BCO1: variants seen among roughly 807,000 people sequenced by gnomAD.
BCO1 encodes beta,beta-carotene 15,15'-dioxygenase.
BCO1 carries 54 observed loss-of-function variants against 56.3 expected under a neutral mutation model. The ratio of observed to expected loss-of-function variants is 0.96; its 90% CI spans 0.77 to 1.20. The LOEUF is 1.20. Ranked by LOEUF, BCO1 falls within the 50% of genes most tolerant of loss-of-function variation. The pLI is 0.00. For synonymous variants in BCO1, 318 were observed against 266.1 expected, an observed-to-expected ratio of 1.20 and a Z score of -1.90; for missense variants, 801 against 690.9, an observed-to-expected ratio of 1.16 and a Z score of -1.79.
At chr16:81,240,074 A>C (rs982356231) in intron 1 of BCO1, among the ~76,000 whole-genome samples, 2 of 152,160 alleles carry the variant, frequency 1.3e-5, no homozygotes, top group Non-Finnish European at 2.9e-5. Context: ...ACAAAAAAAA[A>C]ATAGCTTTTA....
At chr16:81,260,959 G>A (rs1262381169) in intron 3 of BCO1, among the ~76,000 whole-genome samples, 6 of 152,186 alleles carry the variant, frequency 3.9e-5, no homozygotes, top group African/African-American at 1.2e-4. Flanking sequence ...GAGTTGAAGG[G>A]TGGACTGGCC....
At chr16:81,248,234 T>G (rs1252136294) in intron 2 of BCO1, among the ~76,000 whole-genome samples, 3 of 151,654 alleles carry the variant, frequency 2.0e-5, no homozygotes, top group Admixed American at 1.3e-4. Flanking sequence ...AAACCCCGTC[T>G]CTACTAAAAA....
At chr16:81,269,263 C>T (rs927569911) in intron 6 of BCO1, among the ~76,000 whole-genome samples, 5 of 150,954 alleles carry the variant, frequency 3.3e-5, no homozygotes, top group Non-Finnish European at 7.4e-5. Context: ...CACTGTGTTA[C>T]TCCACCATCT....
At chr16:81,261,517 A>G (rs1312337107) in intron 3 of BCO1, among the ~76,000 whole-genome samples, 1 of 152,196 alleles carries the variant, frequency 6.6e-6, no homozygotes, top group African/African-American at 2.4e-5. Flanking sequence ...CGATTTCCGT[A>G]GAGCTTCTTG....
chr16:81,290,291 A>G (rs1908389426), intron 10 of BCO1, 57 bp from the exon 11 acceptor site: 2 of 1,396,828 alleles, frequency 1.4e-6, no homozygotes, highest in South Asian at 2.3e-5. Flanking sequence ...TGAGAAATTC[A>G]TCCCTCCGAC....
intron 6 of BCO1, among the ~76,000 whole-genome samples, chr16:81,269,165 G>A (rs1597364943): frequency 7.3e-6 from 1 of 137,688 alleles, no homozygotes; most frequent in Non-Finnish European, 1.5e-5. Flanking sequence ...AGTATAGAAA[G>A]CCATGTATAA....
intron 5 of BCO1, 103 bp downstream of exon 5, chr16:81,264,890 T>C: frequency 7.5e-7 from 1 of 1,331,250 alleles, no homozygotes; most frequent in South Asian, 1.2e-5. Flanking sequence ...TGTGGTACTT[T>C]CTCCCGTAGA....
intron 2 of BCO1, among the ~76,000 whole-genome samples, chr16:81,253,436 G>T (rs1024635503): frequency 3.3e-5 from 5 of 152,232 alleles, no homozygotes; most frequent in Non-Finnish European, 5.9e-5. Context: ...TCAAGTGCAT[G>T]GTTGGTACAT....
intron 5 of BCO1, among the ~76,000 whole-genome samples, chr16:81,267,633 G>C (rs550826483): frequency 6.6e-6 from 1 of 152,194 alleles, no homozygotes; most frequent in South Asian, 2.1e-4. Flanking sequence ...GTGGAGGCAG[G>C]ATTTAGCCCC....
chr16:81,243,084 T>C (rs1427976067), intron 1 of BCO1, among the ~76,000 whole-genome samples: 1 of 151,776 alleles, frequency 6.6e-6, no homozygotes, highest in Non-Finnish European at 1.5e-5. Context: ...GGGGCTGGGG[T>C]AAGGGGAGAA....
At position 81,280,318 on chromosome 16, in the gene BCO1, CACACAG is replaced by C. The variant is rs914526555; in HGVS notation, c.1102-533_1102-528del. Among the ~76,000 whole-genome samples the C allele has an allele frequency of 2.9e-4, 10 of 34,858 alleles. 1 individual carries two copies. Among genetic ancestry groups the C allele is most frequent in the East Asian group, 1.7e-3 (2 of 1,212 alleles). 22.9% of individuals were successfully genotyped at this position (34,858 alleles called of 152,430 possible). A position where few individuals can be genotyped will look rare whatever the true frequency, so the allele number is the denominator to read the frequency against. ...AAAAAAAAAAAAAAAATTACACACA[CACACAG>C]ACACACACACACACACACACACACA... On this transcript the variant is annotated intron_variant, in intron 7 of 10. Coordinates refer to ENST00000258168, the MANE Select transcript of BCO1 (RefSeq NM_017429.3).
chr16:81,269,388 A>G (rs576397571), intron 6 of BCO1, among the ~76,000 whole-genome samples: 2 of 151,444 alleles, frequency 1.3e-5, no homozygotes, highest in South Asian at 2.1e-4. Flanking sequence ...ACCTCCGCCT[A>G]CGTATCAAGC....
At chr16:81,278,025 T>G (rs1907657799) in intron 7 of BCO1, among the ~76,000 whole-genome samples, 1 of 152,058 alleles carries the variant, frequency 6.6e-6, no homozygotes, top group Non-Finnish European at 1.5e-5. Flanking sequence ...GTGGAGGCAT[T>G]GAAAGTTTCT....
At chr16:81,267,380 A>C (rs1597363044) in intron 5 of BCO1, among the ~76,000 whole-genome samples, 1 of 152,182 alleles carries the variant, frequency 6.6e-6, no homozygotes, top group Non-Finnish European at 1.5e-5. Context: ...TGGGAGGCCG[A>C]GGCGGGCAGA....
chr16:81,246,856 A>C (rs374730754), intron 2 of BCO1, among the ~76,000 whole-genome samples: 4 of 150,806 alleles, frequency 2.7e-5, no homozygotes, highest in African/African-American at 9.7e-5. Flanking sequence ...GTCTCAAAAA[A>C]AAAAAAAAAA....
chr16:81,251,146 G>T (rs1372298377), intron 2 of BCO1, among the ~76,000 whole-genome samples: 1 of 152,020 alleles, frequency 6.6e-6, no homozygotes, highest in Non-Finnish European at 1.5e-5. Flanking sequence ...GTAGATGCAG[G>T]TTAGGTGCTT....
At chr16:81,243,909 G>A (rs1256540439) in intron 1 of BCO1, among the ~76,000 whole-genome samples, 1 of 152,212 alleles carries the variant, frequency 6.6e-6, no homozygotes, top group Non-Finnish European at 1.5e-5. Flanking sequence ...GGGCATTGTC[G>A]AGCCATTGGC....
intron 2 of BCO1, among the ~76,000 whole-genome samples, chr16:81,250,273 C>G (rs548362741): frequency 6.6e-6 from 1 of 152,274 alleles, no homozygotes; most frequent in Admixed American, 6.5e-5. Flanking sequence ...AAGTCCTAAC[C>G]ATTGTGCAAT....
intron 5 of BCO1, among the ~76,000 whole-genome samples, chr16:81,266,529 T>G (rs2151939699): frequency 6.6e-6 from 1 of 152,242 alleles, no homozygotes; most frequent in South Asian, 2.1e-4. Flanking sequence ...ATATGAGCCT[T>G]CGAGGTCAGA....
Sources: allele counts gnomAD v4.1 joint callset (sites outside exome capture counted in the v4.1 genomes callset), GRCh38; gene constraint gnomAD v4.1.1; transcripts MANE v1.5; gene names NCBI Gene and HGNC (gene_info 2026-07-23, HGNC 2026-07-21).